MGAT4C: variants seen among roughly 807,000 people sequenced by gnomAD.
MGAT4C encodes the protein MGAT4 family member C, also known as alpha-1,3-mannosyl-glycoprotein 4-beta-N-acetylglucosaminyltransferase C.
In MGAT4C, 19 loss-of-function variants were observed where a neutral mutation model predicts 40.1. The ratio of observed to expected loss-of-function variants is 0.47; its 90% CI spans 0.33 to 0.70. MGAT4C has a LOEUF of 0.70. Ranked by LOEUF, MGAT4C falls within the 30% of genes least tolerant of loss-of-function variation. The pLI, the probability that MGAT4C is intolerant of heterozygous loss-of-function variation, is 0.02. For synonymous variants in MGAT4C, 181 were observed against 187.1 expected (o/e 0.97, Z 0.27); for missense variants, 491 against 563.2 (o/e 0.87, Z 1.30).
chr12:86,480,854 G>C lies in MGAT4C; in HGVS notation c.-228-45589C>G, dbSNP rs61566442. On this transcript the variant is annotated intron_variant, in intron 2 of 7. Coordinates refer to the MGAT4C transcript ENST00000548651. Reference sequence around the variant, plus strand: ...TAAAACAACCTTTTGTATTGTTTTTGTTTCTTTTTTTTTCTTCTTGCTGAA... The same window carrying C: ...TAAAACAACCTTTTGTATTGTTTTTCTTTCTTTTTTTTTCTTCTTGCTGAA... 3.3e-3 allele frequency among the ~76,000 whole-genome samples: 499 copies of C among 151,230 alleles called. 3 individuals are homozygous for C. The highest frequency in any genetic ancestry group is 0.012 in the African/African-American group (477 of 41,318).
At position 86,089,974 on chromosome 12, in the gene MGAT4C, A is replaced by C. The variant is rs1244225954; in HGVS notation, c.-56-40251T>G. On this transcript the variant is annotated intron_variant, in intron 1 of 4. Coordinates refer to ENST00000611864, the MANE Select transcript of MGAT4C (RefSeq NM_001351288.2). Reference sequence around the variant, plus strand: ...TTCTTTCCTGGGAAAATATTGGCTGATTGATCGGGTTTTCTAAAGTTCTAT... The same window carrying C: ...TTCTTTCCTGGGAAAATATTGGCTGCTTGATCGGGTTTTCTAAAGTTCTAT... 2.0e-5 allele frequency among the ~76,000 whole-genome samples: 3 copies of C among 151,762 alleles called. No homozygotes were observed. The East Asian group carries it at 5.8e-4, about 29-fold the overall frequency.
intron 1 of MGAT4C, among the ~76,000 whole-genome samples, chr12:86,179,816 A>C (rs2135861784): frequency 6.6e-6 from 1 of 152,326 alleles, no homozygotes; most frequent in South Asian, 2.1e-4. Flanking sequence ...ACAGAGCATA[A>C]AATTTCAGAA....
rs569753399 is a variant in MGAT4C at position 86,530,252 on chromosome 12, T to C, written c.-228-94987A>G. ...CCTTATAATCCTTGGCATTAGCAACTAGTTCTCACTTTTACCTAATTCTCC... is the reference window on the plus strand; with the variant it reads ...CCTTATAATCCTTGGCATTAGCAACCAGTTCTCACTTTTACCTAATTCTCC... On this transcript the variant is annotated intron_variant, in intron 2 of 7. Transcript: ENST00000548651. 1.8e-4 allele frequency among the ~76,000 whole-genome samples: 27 copies of C among 152,064 alleles called. No individual in the cohort carries two copies. In the South Asian group the frequency reaches 5.6e-3, roughly 32 times the overall value.
chr12:86,053,035 A>C (rs10779227), intron 1 of MGAT4C, among the ~76,000 whole-genome samples: 121,634 of 151,786 alleles, frequency 0.8, 49,435 homozygotes, highest in East Asian at 0.97. Flanking sequence ...TTGGAGTTGC[A>C]GAGTCAGCCA....
intron 2 of MGAT4C, among the ~76,000 whole-genome samples, chr12:86,635,847 T>G (rs1040203750): frequency 6.6e-6 from 1 of 151,858 alleles, no homozygotes; most frequent in South Asian, 2.1e-4. Flanking sequence ...AGGTAATTTT[T>G]TTTTTTTGTA....
chr12:86,282,740 G>T (rs1229771220), intron 4 of MGAT4C, among the ~76,000 whole-genome samples: 2 of 151,900 alleles, frequency 1.3e-5, no homozygotes, highest in East Asian at 1.9e-4. Flanking sequence ...TTCCAGTCCT[G>T]TTTTTCAGCT....
At chr12:86,725,028 TA>T in intron 2 of MGAT4C, among the ~76,000 whole-genome samples, 1 of 152,352 alleles carries the variant, frequency 6.6e-6, no homozygotes, top group Middle Eastern at 3.4e-3. Context: ...TCTGTCCATT[TA>T]AAATAATCAG....
At chr12:86,790,965 C>T (rs1952011791) in intron 1 of MGAT4C, among the ~76,000 whole-genome samples, 3 of 152,018 alleles carry the variant, frequency 2.0e-5, no homozygotes, top group African/African-American at 4.8e-5. Context: ...ATTGTGTAGG[C>T]AACAGCATCA....
chr12:86,268,354 T>C (rs1047463048), intron 4 of MGAT4C, among the ~76,000 whole-genome samples: 12 of 152,102 alleles, frequency 7.9e-5, no homozygotes, highest in African/African-American at 2.9e-4. Flanking sequence ...TGTATTAATA[T>C]ATTCAACTGG....
chr12:86,116,016 A>G (rs1325810737), intron 1 of MGAT4C, among the ~76,000 whole-genome samples: 2 of 152,102 alleles, frequency 1.3e-5, no homozygotes, highest in African/African-American at 2.4e-5. Flanking sequence ...AACAGTAGCC[A>G]CATGAAGAAT....
chr12:86,033,171 TA>T (rs59718836), intron 2 of MGAT4C, among the ~76,000 whole-genome samples: 59,291 of 148,890 alleles, frequency 0.4, 14,682 homozygotes, highest in African/African-American at 0.51. Context: ...TCTATCCCTA[TA>T]AGTATAGTTT....
At chr12:86,565,453 A>G (rs116022086) in intron 2 of MGAT4C, among the ~76,000 whole-genome samples, 1,574 of 152,332 alleles carry the variant, frequency 0.01, 9 homozygotes, top group Non-Finnish European at 0.014. Context: ...CTGCAGCACT[A>G]CAGCCCATTT....
chr12:86,452,696 G>C (rs1957446136), intron 2 of MGAT4C, among the ~76,000 whole-genome samples: 1 of 151,984 alleles, frequency 6.6e-6, no homozygotes, highest in Non-Finnish European at 1.5e-5. Context: ...CTCAGGCTTA[G>C]TAGATATTGA....
At chr12:86,442,750 A>C (rs1290907530) in intron 2 of MGAT4C, among the ~76,000 whole-genome samples, 1 of 146,206 alleles carries the variant, frequency 6.8e-6, no homozygotes, top group African/African-American at 2.5e-5. Context: ...TGACTGGTCA[A>C]CAAAGAGCAA....
intron 2 of MGAT4C, among the ~76,000 whole-genome samples, chr12:86,488,606 G>C (rs1958070641): frequency 1.3e-5 from 2 of 152,022 alleles, no homozygotes; most frequent in Non-Finnish European, 2.9e-5. Flanking sequence ...AAGAGTTTCA[G>C]TGGTCTTCAG....
intron 1 of MGAT4C, among the ~76,000 whole-genome samples, chr12:86,114,248 G>GT (rs1566002150): frequency 6.6e-6 from 1 of 151,688 alleles, no homozygotes; most frequent in Non-Finnish European, 1.5e-5. Flanking sequence ...TCCTTAAATG[G>GT]TTTTGTCAGT....
intron 1 of MGAT4C, among the ~76,000 whole-genome samples, chr12:86,785,804 CATA>C (rs1310404116): frequency 6.7e-6 from 1 of 148,388 alleles, no homozygotes; most frequent in Non-Finnish European, 1.5e-5. Flanking sequence ...TATAATATAA[CATA>C]ATAATCTTTG....
chr12:86,181,215 T>C (rs1423344926), intron 1 of MGAT4C, among the ~76,000 whole-genome samples: 2 of 152,202 alleles, frequency 1.3e-5, no homozygotes, highest in Non-Finnish European at 2.9e-5. Context: ...TCCCCAGCCA[T>C]GTGGAACTAT....
At chr12:86,554,650 CA>C (rs1959524973) in intron 2 of MGAT4C, among the ~76,000 whole-genome samples, 1 of 152,170 alleles carries the variant, frequency 6.6e-6, no homozygotes, top group South Asian at 2.1e-4. Flanking sequence ...TATGTTATTG[CA>C]ACCACCAAAT....
Sources: gnomAD v4.1 joint callset for allele counts (sites outside exome capture counted in the v4.1 genomes callset) on GRCh38, gnomAD v4.1.1 for gene constraint, MANE v1.5 for transcripts, NCBI Gene and HGNC (gene_info 2026-07-23, HGNC 2026-07-21) for gene names.